Variants in RNF220 observed in about 807,000 individuals in gnomAD.
The protein encoded by RNF220 is ring finger protein 220, also known as E3 ubiquitin-protein ligase RNF220.
RNF220 carries 7 observed loss-of-function variants against 67.1 expected under a neutral mutation model. That is an observed-to-expected ratio of 0.10 (90% CI 0.06 to 0.20). RNF220 has a LOEUF of 0.20. RNF220 is among the 10% of genes least tolerant of loss of function. RNF220 has a pLI of 1.00. For missense variants in RNF220, 565 were observed against 740.3 expected, an observed-to-expected ratio of 0.76 and a Z score of 2.75; for synonymous variants, 270 against 283.2, an observed-to-expected ratio of 0.95 and a Z score of 0.47.
At position 44,417,755 on chromosome 1, in the gene RNF220, G is replaced by A. The variant is rs1160029479; in HGVS notation, c.625+5033G>A. 6.6e-6 allele frequency among the ~76,000 whole-genome samples: 1 copy of A among 152,226 alleles called. No individual in the cohort carries two copies. The highest frequency in any genetic ancestry group is 1.5e-5 in the Non-Finnish European group (1 of 68,040). ...GTGGCTGGTAATTGATCTTCTGGGG[G>A]AGGGGGCGCGGAGAGGCGCGAGAAC... On this transcript the variant is annotated intron_variant, in intron 2 of 14. Coordinates refer to ENST00000361799, the MANE Select transcript of RNF220 (RefSeq NM_018150.4). This position sits in a 1 kb window ranked among gnomAD's most constrained non-coding sequence, Gnocchi z 4.0.
rs1482213463 is a variant in RNF220 at position 44,649,843 on chromosome 1, C to T, written c.1555-40C>T. 4 of 1,613,572 alleles carry T rather than the reference C, an allele frequency of 2.5e-6. No homozygotes were observed. In the Admixed American group the frequency reaches 5.0e-5, roughly 20 times the overall value. ...TCTGGGGGAGTTGGAGAGGGTGGGC[C>T]TACCTCAGAGTGACCCCTTCTCTGC... On this transcript the variant is annotated intron_variant, in intron 13 of 14. Transcript: ENST00000361799. This position sits in a 1 kb window ranked among gnomAD's most constrained non-coding sequence, Gnocchi z 5.9.
intron 12 of RNF220, among the ~76,000 whole-genome samples, chr1:44,646,098 T>C (rs941612429): frequency 6.6e-6 from 1 of 152,298 alleles, no homozygotes; most frequent in Non-Finnish European, 1.5e-5. Flanking sequence ...GGAGATGGCA[T>C]TGTCCAGTCT....
At chr1:44,566,622 G>T (rs915450758) in intron 2 of RNF220, among the ~76,000 whole-genome samples, 1 of 152,174 alleles carries the variant, frequency 6.6e-6, no homozygotes, top group African/African-American at 2.4e-5. Context: ...CCAGACAAGT[G>T]GTATGGATCT....
intron 8 of RNF220, among the ~76,000 whole-genome samples, chr1:44,640,535 A>G (rs988996003): frequency 2.6e-5 from 4 of 152,226 alleles, no homozygotes; most frequent in African/African-American, 9.6e-5. Context: ...AGGAGCAAGT[A>G]TCAATGGTTT....
chr1:44,490,193 C>T (rs556234111), intron 2 of RNF220, among the ~76,000 whole-genome samples: 93 of 152,024 alleles, frequency 6.1e-4, no homozygotes, highest in Non-Finnish European at 1.1e-3. Context: ...ATCAGCCGGG[C>T]GTGGTGGCTC....
intron 2 of RNF220, among the ~76,000 whole-genome samples, chr1:44,513,284 G>C (rs1659175075): frequency 6.6e-6 from 1 of 152,198 alleles, no homozygotes; most frequent in African/African-American, 2.4e-5. Context: ...AAGTGGCAAG[G>C]CCCAGGGTGT....
intron 6 of RNF220, among the ~76,000 whole-genome samples, chr1:44,633,450 G>A (rs562521823): frequency 4.9e-4 from 74 of 152,294 alleles, no homozygotes; most frequent in African/African-American, 1.8e-3. Flanking sequence ...TCTGGATAGA[G>A]AACAGAACTT....
intron 1 of RNF220, among the ~76,000 whole-genome samples, chr1:44,407,615 C>T (rs953213629): frequency 6.6e-5 from 10 of 151,984 alleles, no homozygotes; most frequent in Admixed American, 1.3e-4. Context: ...GGGCCGGGCG[C>T]GGAGCGAGCG....
At chr1:44,459,111 C>T (rs1653493757) in intron 2 of RNF220, among the ~76,000 whole-genome samples, 1 of 152,140 alleles carries the variant, frequency 6.6e-6, no homozygotes, top group African/African-American at 2.4e-5. Flanking sequence ...AAAATGAAAA[C>T]AATTCTAACT....
At chr1:44,409,496 T>A (rs954439424) in intron 1 of RNF220, among the ~76,000 whole-genome samples, 7 of 152,254 alleles carry the variant, frequency 4.6e-5, no homozygotes, top group African/African-American at 1.7e-4. Flanking sequence ...CTGTTATTAC[T>A]TCCTATTGAT....
chr1:44,503,250 CTT>C (rs1658093419), intron 2 of RNF220, among the ~76,000 whole-genome samples: 1 of 145,872 alleles, frequency 6.9e-6, no homozygotes. Context: ...AGGAGAATCA[CTT>C]GAACCTGGAA....
intron 6 of RNF220, 118 bp downstream of exon 6, chr1:44,632,503 C>A: frequency 1.0e-6 from 1 of 1,004,070 alleles, no homozygotes; most frequent in Non-Finnish European, 1.5e-6. Flanking sequence ...TTGGCTTCTT[C>A]GCAGTCACGG....
chr1:44,650,688 C>A lies in RNF220; in HGVS notation c.1630-16C>A. On this transcript the variant is annotated splice_polypyrimidine_tract_variant and intron_variant, in intron 14 of 14. Coordinates refer to ENST00000361799, the MANE Select transcript of RNF220 (RefSeq NM_018150.4). This position sits in a 1 kb window ranked among gnomAD's most constrained non-coding sequence, Gnocchi z 4.3. The stretch of plus-strand genomic sequence containing the variant: ...GCTCATTGTGTAGACCAGAGCCCTC[C>A]CTGTTCTCCCTGCAGGGTGCCAAGA... The A allele has an allele frequency of 6.2e-7, 1 of 1,613,674 alleles. No individual in the cohort carries two copies.
At chr1:44,608,110 A>C (rs1297187817) in intron 2 of RNF220, among the ~76,000 whole-genome samples, 1 of 151,902 alleles carries the variant, frequency 6.6e-6, no homozygotes, top group Non-Finnish European at 1.5e-5. Context: ...TTTTTTGTAG[A>C]GATAGGGTCT....
rs1157877759 is a variant in RNF220 at position 44,632,203 on chromosome 1, G to A, written c.907-140G>A. ...GAGGAGCAGAGGGGCCGGCGGGAGG[G>A]AGGAAGTAGGTTTGTTTACGGGCTG... On this transcript the variant is annotated intron_variant, in intron 5 of 14. Transcript: ENST00000361799. The A allele has an allele frequency of 3.7e-6, 6 of 1,602,704 alleles. No individual in the cohort carries two copies. The East Asian group carries it at 1.1e-4, about 30-fold the overall frequency.
rs528432431 is a variant in RNF220 at position 44,562,319 on chromosome 1, G to A, written c.626-51846G>A. 2.0e-5 allele frequency among the ~76,000 whole-genome samples: 3 copies of A among 152,290 alleles called. No homozygotes were observed. In the East Asian group the frequency reaches 5.8e-4, roughly 29 times the overall value. On this transcript the variant is annotated intron_variant, in intron 2 of 14. Transcript: ENST00000361799. ...TCCAGGGGGACCCGGAGCAGTGCGGGGAATCCAGGGCCCTGCAGGAAGCCG... is the reference window on the plus strand; with the variant it reads ...TCCAGGGGGACCCGGAGCAGTGCGGAGAATCCAGGGCCCTGCAGGAAGCCG...
At chr1:44,614,397 CGGGAA>C in intron 3 of RNF220, 100 bp downstream of exon 3, 2 of 1,362,654 alleles carry the variant, frequency 1.5e-6, no homozygotes, top group Non-Finnish European at 2.0e-6. Context: ...CCCAGCCCCT[CGGGAA>C]AAGACAGGAC....
At chr1:44,423,913 C>T in intron 2 of RNF220, 1 of 985,422 alleles carries the variant, frequency 1.0e-6, no homozygotes, top group South Asian at 4.7e-5. Context: ...GTTGTTCTAG[C>T]CTGGCACACG....
chr1:44,622,836 T>G lies in RNF220; in HGVS notation c.804+49T>G. ...CCTCCTGCCCATACTAACCTAGGCCTACCCAGAACTGGTTCCTCCTGAGAA... is the reference window on the plus strand; with the variant it reads ...CCTCCTGCCCATACTAACCTAGGCCGACCCAGAACTGGTTCCTCCTGAGAA... On this transcript the variant is annotated intron_variant, in intron 4 of 14. Transcript: ENST00000361799. This position sits in a 1 kb window ranked among gnomAD's most constrained non-coding sequence, Gnocchi z 4.3. The G allele has an allele frequency of 2.0e-6, 3 of 1,517,514 alleles. No homozygotes were observed. The highest frequency in any genetic ancestry group is 2.7e-6 in the Non-Finnish European group (3 of 1,094,004). 94.0% of individuals were successfully genotyped at this position (1,517,514 alleles called of 1,614,324 possible).
Sources: allele counts gnomAD v4.1 joint callset (sites outside exome capture counted in the v4.1 genomes callset), GRCh38; gene constraint gnomAD v4.1.1; non-coding constraint Gnocchi (gnomAD v3.1); transcripts MANE v1.5; gene names NCBI Gene and HGNC (gene_info 2026-07-23, HGNC 2026-07-21).